SLCO4A1: variants seen among roughly 807,000 people sequenced by gnomAD.
SLCO4A1 encodes colon organic anion transporter.
In SLCO4A1, 51 loss-of-function variants were observed where a neutral mutation model predicts 64.6. That is an observed-to-expected ratio of 0.79 (90% confidence interval 0.63 to 1.00). The LOEUF (loss-of-function observed/expected upper bound fraction) is 1.00. Among genes scored for constraint, SLCO4A1 ranks in the 50% least tolerant of loss-of-function variants. SLCO4A1 has a pLI of 0.00. For missense variants in SLCO4A1, 919 were observed against 980.5 expected, an observed-to-expected ratio of 0.94 and a Z score of 0.84; for synonymous variants, 471 against 444.9, an observed-to-expected ratio of 1.06 and a Z score of -0.74.
chr20:62,653,596 C>G (rs1254630128), intron 1 of SLCO4A1, among the ~76,000 whole-genome samples: 1 of 152,216 alleles, frequency 6.6e-6, no homozygotes, highest in Non-Finnish European at 1.5e-5. Flanking sequence ...CGCCTCCGCT[C>G]CCACCCGCCA....
chr20:62,687,542 C>T (rs1188820078), downstream of SLCO4A1, among the ~76,000 whole-genome samples: 2 of 152,266 alleles, frequency 1.3e-5, no homozygotes, highest in Non-Finnish European at 2.9e-5. Flanking sequence ...CCGGCAAGGG[C>T]CACGCCAGGA....
At chr20:62,652,478 CGG>C (rs1491423781) in intron 1 of SLCO4A1, among the ~76,000 whole-genome samples, 31 of 152,250 alleles carry the variant, frequency 2.0e-4, no homozygotes, top group Non-Finnish European at 4.0e-4. Flanking sequence ...CTTGCTCCTC[CGG>C]CTTTTCCGCT....
rs1362897126 is a variant in SLCO4A1, at chr20:62,685,527, G to A, written n.298G>A. 1.1e-5 allele frequency: 9 copies of A among 827,250 alleles called. No homozygotes were observed. The highest frequency in any genetic ancestry group is 1.3e-5 in the Non-Finnish European group (9 of 685,626). 51.2% of individuals were successfully genotyped at this position (827,250 alleles called of 1,614,324 possible). On this transcript the variant is annotated non_coding_transcript_exon_variant, in exon 3 of 3. Coordinates refer to the SLCO4A1 transcript ENST00000466818. The surrounding 1 kb of genome is among the most constrained non-coding windows in gnomAD (Gnocchi z 4.6). ...TGAATTGGATTTTCACCAAGGCCGTGATGGATGTGGAGTCTCGGCTTTCTG... is the reference window on the plus strand; with the variant it reads ...TGAATTGGATTTTCACCAAGGCCGTAATGGATGTGGAGTCTCGGCTTTCTG...
chr20:62,673,764 G>GTTTC (rs1440200340), downstream of SLCO4A1, among the ~76,000 whole-genome samples: 6 of 152,046 alleles, frequency 3.9e-5, no homozygotes, highest in African/African-American at 4.8e-5. Flanking sequence ...AGCCAACCAA[G>GTTTC]AGGGGACGAC....
rs1986650075 is a variant in SLCO4A1 at position 62,667,861 on chromosome 20, G to A, written c.1589G>A (p.Cys530Tyr). Reference protein sequence around the residue: ...GSDGLMYFSLCHAGCPAATET... With the variant: ...GSDGLMYFSLYHAGCPAATET... ...GACGGCCTCATGTACTTCTCACTGT[G>A]CCACGCAGGGTGCCCTGCAGCCACG... Residue 530 changes from cysteine (C) to tyrosine (Y), a missense_variant, in exon 8 of 12, where the codon TGC (cysteine) becomes TAC (tyrosine). By Grantham distance (194) the Cys-to-Tyr change is radical. Transcript: ENST00000217159. The A allele has an allele frequency of 1.2e-6, 2 of 1,613,634 alleles. No homozygotes were observed. The highest frequency in any genetic ancestry group is 2.7e-5 in the African/African-American group (2 of 74,938).
rs1202054781 is a variant in SLCO4A1 at position 62,666,781 on chromosome 20, C to T, written c.1472+206C>T. On this transcript the variant is annotated intron_variant, in intron 7 of 11. Coordinates refer to ENST00000217159, the MANE Select transcript of SLCO4A1 (RefSeq NM_016354.4). Reference sequence around the variant, plus strand: ...CCATGCCAGCCCCCAGCAGTGCCTGCGCTTGGGTCCCGGCTGTGCCCCCGG... The same window carrying T: ...CCATGCCAGCCCCCAGCAGTGCCTGTGCTTGGGTCCCGGCTGTGCCCCCGG... 2.9e-5 allele frequency: 17 copies of T among 592,190 alleles called. No individual in the cohort carries two copies. In the Middle Eastern group the frequency reaches 1.8e-3, roughly 63 times the overall value. 36.7% of individuals were successfully genotyped at this position (592,190 alleles called of 1,614,324 possible).
At chr20:62,654,504 C>T (rs888297236) in intron 1 of SLCO4A1, among the ~76,000 whole-genome samples, 1 of 152,196 alleles carries the variant, frequency 6.6e-6, no homozygotes, top group African/African-American at 2.4e-5. Flanking sequence ...CCTGCTGTCC[C>T]TGCATCTCCG....
At chr20:62,658,949 C>A (rs1412283080) in intron 3 of SLCO4A1, among the ~76,000 whole-genome samples, 182 bp downstream of exon 3, 2 of 152,234 alleles carry the variant, frequency 1.3e-5, no homozygotes, top group Non-Finnish European at 2.9e-5. Context: ...TCTGTAGGGG[C>A]CTTGGGAGTC....
chr20:62,665,173 C>A, intron 6 of SLCO4A1, 85 bp downstream of exon 6: 1 of 1,461,642 alleles, frequency 6.8e-7, no homozygotes, highest in Non-Finnish European at 9.2e-7. Flanking sequence ...TAGAAAGACC[C>A]AGACAGGGCA....
rs1569142639 is a variant in SLCO4A1 at position 62,666,338 on chromosome 20, CCCCCTGCCTGAGTCCCT to C, written c.1277-41_1277-25del. ...GATCCACCACCCTCTCCCACCACGGCCCCCTGCCTGAGTCCCTGGCTGAATCCCTCCCTCTCCCCAGG... is the reference window on the plus strand; with the variant it reads ...GATCCACCACCCTCTCCCACCACGGCGGCTGAATCCCTCCCTCTCCCCAGG... On this transcript the variant is annotated intron_variant, in intron 6 of 11. Transcript: ENST00000217159. The C allele has an allele frequency of 7.0e-6, 11 of 1,575,990 alleles. No homozygotes were observed. In the African/African-American group the frequency reaches 1.5e-4, roughly 21 times the overall value.
At chr20:62,690,158 C>T (rs1303792261), downstream of SLCO4A1, among the ~76,000 whole-genome samples, 1 of 152,240 alleles carries the variant, frequency 6.6e-6, no homozygotes, top group Non-Finnish European at 1.5e-5. Context: ...CATCGGCCAC[C>T]TCTCTGCTCC....
chr20:62,666,858 A>C, intron 7 of SLCO4A1: 1 of 392,634 alleles, frequency 2.5e-6, no homozygotes, highest in Non-Finnish European at 4.7e-6. Context: ...GCTGTGTCAA[A>C]TGGAACAACA....
intron 2 of SLCO4A1, among the ~76,000 whole-genome samples, chr20:62,679,455 G>C (rs528606244): frequency 9.5e-4 from 144 of 151,900 alleles, no homozygotes; most frequent in Non-Finnish European, 1.1e-3. Context: ...TTGACCTCCT[G>C]GTCTCAAGTG....
chr20:62,665,666 TCC>T (rs1315172312), intron 6 of SLCO4A1, among the ~76,000 whole-genome samples: 1 of 151,930 alleles, frequency 6.6e-6, no homozygotes, highest in Non-Finnish European at 1.5e-5. Context: ...AGATGAGGGC[TCC>T]CCTCCCTCCC....
chr20:62,666,646 A>AGT, intron 7 of SLCO4A1, 71 bp downstream of exon 7: 3 of 1,332,730 alleles, frequency 2.3e-6, no homozygotes, highest in Non-Finnish European at 2.1e-6. Context: ...ATGGAGGAGG[A>AGT]GTGGTGCAGC....
In SLCO4A1 at chr20:62,669,097, G is replaced by A. The variant is rs769044974; in HGVS notation, c.2025+19G>A. On this transcript the variant is annotated intron_variant, in intron 11 of 11. Transcript: ENST00000217159. ...GTACAAGGTAAGCAGGCCCAGGGAGGGGACAGAGGGTCTGCTCTGAGGGTG... is the reference window on the plus strand; with the variant it reads ...GTACAAGGTAAGCAGGCCCAGGGAGAGGACAGAGGGTCTGCTCTGAGGGTG... The A allele has an allele frequency of 6.2e-7, 1 of 1,604,706 alleles. No homozygotes were observed. The highest frequency in any genetic ancestry group is 8.5e-7 in the Non-Finnish European group (1 of 1,178,510).
At chr20:62,672,579 T>A (rs961024719), downstream of SLCO4A1, 1 of 152,312 alleles carries the variant, frequency 6.6e-6, no homozygotes, top group African/African-American at 2.4e-5. Flanking sequence ...ACATATGTTC[T>A]TATATAAACG....
At chr20:62,658,653 C>A in intron 2 of SLCO4A1, 24 bp from the exon 3 acceptor site, 1 of 1,595,336 alleles carries the variant, frequency 6.3e-7, no homozygotes, top group African/African-American at 1.3e-5. Flanking sequence ...CACAGCGGCC[C>A]TGACGCCTCT....
chr20:62,689,988 T>G (rs1056410593), downstream of SLCO4A1, among the ~76,000 whole-genome samples: 38 of 152,148 alleles, frequency 2.5e-4, no homozygotes, highest in African/African-American at 9.2e-4. Context: ...GCGCCTGCAC[T>G]CCTGTTCACA....
Sources: allele counts gnomAD v4.1 joint callset (sites outside exome capture counted in the v4.1 genomes callset), GRCh38; gene constraint gnomAD v4.1.1; non-coding constraint Gnocchi (gnomAD v3.1); transcripts MANE v1.5; gene names NCBI Gene and HGNC (gene_info 2026-07-23, HGNC 2026-07-21).